BCR: variants seen among roughly 807,000 people sequenced by gnomAD.
BCR encodes breakpoint cluster region protein.
A neutral mutation model predicts 138.6 loss-of-function variants in BCR; 58 were observed. The ratio of observed to expected loss-of-function variants is 0.42; its 90% confidence interval spans 0.34 to 0.52. The LOEUF (loss-of-function observed/expected upper bound fraction) is 0.52, where lower values mean the gene tolerates loss of function less well. BCR is among the 20% of genes least tolerant of loss of function. The probability of loss-of-function intolerance (pLI) is 0.06; values close to 1 mark genes in which losing one functional copy is unlikely to be tolerated. For missense variants in BCR, 1,599 were observed against 1,727.2 expected (o/e 0.93, Z 1.32); for synonymous variants, 786 against 730.1 (o/e 1.08, Z -1.23).
chr22:23,280,071 T>C (rs933210206), intron 8 of BCR, among the ~76,000 whole-genome samples: 1 of 152,194 alleles, frequency 6.6e-6, no homozygotes, highest in Non-Finnish European at 1.5e-5. Flanking sequence ...CATGACCTCA[T>C]CTACACCTAC....
Position 23,180,808 on chromosome 22 carries a change from C to T in BCR, c.-153C>T, listed in dbSNP as rs1480723507. 9.1e-5 allele frequency: 25 copies of T among 275,246 alleles called. No homozygotes were observed. Among genetic ancestry groups the T allele is most frequent in the Non-Finnish European group, 1.4e-4 (25 of 184,028 alleles). 17.1% of individuals were successfully genotyped at this position (275,246 alleles called of 1,614,324 possible). A position where few individuals can be genotyped will look rare whatever the true frequency, so the allele number is the denominator to read the frequency against. On this transcript the variant is annotated 5_prime_UTR_variant, in exon 1 of 23. Coordinates refer to ENST00000305877, the MANE Select transcript of BCR (RefSeq NM_004327.4). ...GAGCGCCCCGCTCCGCCTCACCTGC[C>T]ACCAGGGAGTGGGCGGGCATTGTTC...
intron 1 of BCR, among the ~76,000 whole-genome samples, chr22:23,238,267 A>T (rs1332456807): frequency 6.6e-6 from 1 of 152,062 alleles, no homozygotes; most frequent in Non-Finnish European, 1.5e-5. Flanking sequence ...CCTTTTCCAA[A>T]TACTTGTTTA....
At chr22:23,311,943 T>G in intron 19 of BCR, 107 bp downstream of exon 19, 1 of 1,483,960 alleles carries the variant, frequency 6.7e-7, no homozygotes, top group Non-Finnish European at 9.0e-7. Context: ...TCTCTGTGTC[T>G]TTTCTTCATT....
chr22:23,236,055 T>C (rs1749303090), intron 1 of BCR, among the ~76,000 whole-genome samples: 1 of 152,204 alleles, frequency 6.6e-6, no homozygotes, highest in Non-Finnish European at 1.5e-5. Context: ...CTGCTGGACC[T>C]TGCATATGGG....
At chr22:23,214,096 G>A (rs184458828) in intron 1 of BCR, among the ~76,000 whole-genome samples, 65 of 152,214 alleles carry the variant, frequency 4.3e-4, no homozygotes, top group African/African-American at 1.5e-3. Flanking sequence ...TGCCCTGAGT[G>A]CTTAATAACA....
intron 1 of BCR, among the ~76,000 whole-genome samples, chr22:23,207,745 T>C (rs2072634232): frequency 6.6e-6 from 1 of 152,232 alleles, no homozygotes. Flanking sequence ...CACAGGTTTC[T>C]CAGACACTTG....
At chr22:23,235,047 A>G (rs1213070509) in intron 1 of BCR, among the ~76,000 whole-genome samples, 1 of 143,968 alleles carries the variant, frequency 6.9e-6, no homozygotes, top group African/African-American at 2.4e-5. Flanking sequence ...GCTCGAGACT[A>G]TGACCCAGTT....
chr22:23,310,725 C>T (rs554578747), intron 18 of BCR, among the ~76,000 whole-genome samples: 12 of 152,314 alleles, frequency 7.9e-5, no homozygotes, highest in East Asian at 1.9e-4. Context: ...TGTTGAATGG[C>T]CGTAACCCCT....
chr22:23,307,079 T>C (rs1035423125), intron 16 of BCR, among the ~76,000 whole-genome samples: 13 of 152,202 alleles, frequency 8.5e-5, no homozygotes, highest in African/African-American at 3.1e-4. Context: ...GCTTAACATG[T>C]TTCTGTGTTT....
chr22:23,263,540 C>T (rs1192548507), intron 4 of BCR: 7 of 1,575,500 alleles, frequency 4.4e-6, no homozygotes, highest in Non-Finnish European at 6.1e-6. Context: ...TCATCCTGGC[C>T]TACCAGTTCC....
chr22:23,292,566 T>C lies in BCR; in HGVS notation c.2808T>C (p.Asp936=), dbSNP rs181534426. Reference sequence around the variant, plus strand: ...ATCTGTACTGCACCCTGGAGGTGGATTCCTTTGGGTATTTTGTGAATAAAG... The same window carrying C: ...ATCTGTACTGCACCCTGGAGGTGGACTCCTTTGGGTATTTTGTGAATAAAG... ...SSNLYCTLEV[D]SFGYFVNKAK... is the part of the protein sequence containing the mutation. The change falls in exon 15 of 23, where the codon GAT becomes GAC. Residue 936 remains aspartate, a synonymous_variant. Transcript: ENST00000305877. 1.1e-4 allele frequency: 180 copies of C among 1,613,576 alleles called. No homozygotes were observed. Among genetic ancestry groups the C allele is most frequent in the Non-Finnish European group, 1.5e-4 (175 of 1,179,626 alleles).
intron 1 of BCR, among the ~76,000 whole-genome samples, chr22:23,248,317 A>C (rs931115305): frequency 6.6e-6 from 1 of 151,706 alleles, no homozygotes. Context: ...ATACTCCAGC[A>C]GTGTCCGGGC....
chr22:23,217,716 C>G (rs939308405), intron 1 of BCR, among the ~76,000 whole-genome samples: 1 of 152,198 alleles, frequency 6.6e-6, no homozygotes, highest in Non-Finnish European at 1.5e-5. Context: ...TGGACTCTTA[C>G]AAGTTCTCTG....
At chr22:23,260,770 T>G in intron 2 of BCR, 180 bp from the exon 3 acceptor site, 6 of 606,256 alleles carry the variant, frequency 9.9e-6, no homozygotes, top group Non-Finnish European at 1.5e-5. Flanking sequence ...TCAGTGACTG[T>G]GAGTGTGTGG....
chr22:23,304,666 G>A (rs147170200), intron 16 of BCR, among the ~76,000 whole-genome samples: 2 of 152,286 alleles, frequency 1.3e-5, no homozygotes, highest in East Asian at 3.9e-4. Flanking sequence ...TGGAGTAGCT[G>A]CACCATCTTA....
At chr22:23,266,889 C>T (rs1275652981) in intron 4 of BCR, among the ~76,000 whole-genome samples, 1 of 152,208 alleles carries the variant, frequency 6.6e-6, no homozygotes, top group African/African-American at 2.4e-5. Context: ...ATGTGAGCTC[C>T]TGGAGCAGGA....
intron 4 of BCR, chr22:23,262,814 A>G (rs931766761): frequency 1.0e-6 from 1 of 1,002,098 alleles, no homozygotes; most frequent in South Asian, 4.4e-5. Context: ...AGCGAGCGAG[A>G]GGGGCAAGGC....
Position 23,190,443 on chromosome 22 carries a change from T to C in BCR, c.1279+8204T>C, listed in dbSNP as rs527909387. On this transcript the variant is annotated intron_variant, in intron 1 of 22. Coordinates refer to ENST00000305877, the MANE Select transcript of BCR (RefSeq NM_004327.4). ...TCGGCCTCCAAAAGTGCTGGGATTA[T>C]AGGCATGAGCCACTGCACCCGGCCC... 2.0e-3 allele frequency among the ~76,000 whole-genome samples: 298 copies of C among 152,196 alleles called. 2 individuals carry two copies. The highest frequency in any genetic ancestry group is 6.8e-3 in the African/African-American group (284 of 41,528).
intron 16 of BCR, among the ~76,000 whole-genome samples, chr22:23,309,131 G>A (rs13056151): frequency 0.087 from 13,192 of 152,174 alleles, 1,120 homozygotes; most frequent in East Asian, 0.47. Context: ...GATGGAAGCC[G>A]GATGGAGAGA....
Sources: allele counts gnomAD v4.1 joint callset (sites outside exome capture counted in the v4.1 genomes callset), GRCh38; gene constraint gnomAD v4.1.1; transcripts MANE v1.5; gene names NCBI Gene and HGNC (gene_info 2026-07-23, HGNC 2026-07-21).